SPOCK3: variants seen among roughly 807,000 people sequenced by gnomAD.
SPOCK3 encodes testican-3.
In SPOCK3, 30 loss-of-function variants were observed where a neutral mutation model predicts 56.6. That is an observed-to-expected ratio of 0.53 (90% CI 0.40 to 0.72). The LOEUF (loss-of-function observed/expected upper bound fraction) is 0.72, where lower values mean the gene tolerates loss of function less well. SPOCK3 is among the 30% of genes least tolerant of loss of function. The pLI is 0.00. For missense variants in SPOCK3, 527 were observed against 530.0 expected (o/e 0.99, Z 0.06); for synonymous variants, 196 against 183.3 (o/e 1.07, Z -0.56).
intron 7 of SPOCK3, among the ~76,000 whole-genome samples, chr4:166,766,838 C>A (rs370419344): frequency 2.0e-5 from 3 of 151,912 alleles, no homozygotes; most frequent in Non-Finnish European, 4.4e-5. Flanking sequence ...TTGGTTGGTA[C>A]GCTCTTAATT....
chr4:167,161,039 C>T, intron 2 of SPOCK3, among the ~76,000 whole-genome samples: 1 of 152,124 alleles, frequency 6.6e-6, no homozygotes, highest in Non-Finnish European at 1.5e-5. Context: ...ACAAAATTGA[C>T]AAATGGGATC....
chr4:166,883,559 G>A (rs1403651154), intron 6 of SPOCK3, among the ~76,000 whole-genome samples: 1 of 152,188 alleles, frequency 6.6e-6, no homozygotes, highest in Non-Finnish European at 1.5e-5. Flanking sequence ...TCTGAAGTGA[G>A]AAGGACTCAT....
intron 2 of SPOCK3, among the ~76,000 whole-genome samples, chr4:167,141,031 GC>G: frequency 6.6e-6 from 1 of 151,742 alleles, no homozygotes; most frequent in Non-Finnish European, 1.5e-5. Flanking sequence ...AATTCTCTTG[GC>G]CCCTGCAATC....
At chr4:166,797,865 G>A (rs764966836) in intron 6 of SPOCK3, among the ~76,000 whole-genome samples, 3 of 151,756 alleles carry the variant, frequency 2.0e-5, no homozygotes, top group Non-Finnish European at 2.9e-5. Context: ...ACACCTTTTC[G>A]TTATGTTATA....
At position 166,787,477 on chromosome 4, in the gene SPOCK3, T is replaced by C. The variant is rs550937284; in HGVS notation, c.709+4693A>G. On this transcript the variant is annotated intron_variant, in intron 7 of 10. Transcript: ENST00000357545. ...GATTTGGTTAATTTTCTGATTTTAA[T>C]TACTATTCAAGAATATATAGTTCTA... Among the ~76,000 whole-genome samples the C allele has an allele frequency of 2.0e-5, 3 of 152,288 alleles. No individual in the cohort carries two copies. The South Asian group carries it at 6.2e-4, about 32-fold the overall frequency.
At chr4:167,029,023 A>G (rs1053577154) in intron 3 of SPOCK3, among the ~76,000 whole-genome samples, 1 of 151,944 alleles carries the variant, frequency 6.6e-6, no homozygotes, top group Non-Finnish European at 1.5e-5. Context: ...TGAACCCATC[A>G]CCTAGGTATT....
At chr4:166,851,143 C>G (rs1006681658) in intron 6 of SPOCK3, among the ~76,000 whole-genome samples, 1 of 152,184 alleles carries the variant, frequency 6.6e-6, no homozygotes, top group African/African-American at 2.4e-5. Flanking sequence ...ACTGCCTCCT[C>G]AAGTGGGTCC....
chr4:166,749,931 T>C (rs1736162314), intron 8 of SPOCK3, among the ~76,000 whole-genome samples: 1 of 152,176 alleles, frequency 6.6e-6, no homozygotes, highest in South Asian at 2.1e-4. Flanking sequence ...CTAGTTGCAA[T>C]TGGCTAGTTA....
intron 2 of SPOCK3, among the ~76,000 whole-genome samples, chr4:167,169,432 T>C (rs1012082689): frequency 3.3e-5 from 5 of 152,154 alleles, no homozygotes; most frequent in Non-Finnish European, 7.4e-5. Context: ...GGAGATCATT[T>C]TGGAGCTTTA....
intron 2 of SPOCK3, among the ~76,000 whole-genome samples, chr4:167,116,527 T>C (rs1761354695): frequency 7.2e-6 from 1 of 139,822 alleles, no homozygotes; most frequent in Non-Finnish European, 1.5e-5. Context: ...TATACGTATA[T>C]GTATATATAT....
intron 2 of SPOCK3, among the ~76,000 whole-genome samples, chr4:167,221,306 T>C (rs1157694658): frequency 6.6e-6 from 1 of 152,082 alleles, no homozygotes; most frequent in East Asian, 1.9e-4. Context: ...AGTTTCCCGC[T>C]GCAGTGAGCT....
At chr4:166,961,528 T>G (rs890245152) in intron 4 of SPOCK3, among the ~76,000 whole-genome samples, 1 of 151,030 alleles carries the variant, frequency 6.6e-6, no homozygotes, top group Non-Finnish European at 1.5e-5. Flanking sequence ...AACCAAGATG[T>G]CATTTCCTTT....
At chr4:167,117,717 C>T (rs1761548720) in intron 2 of SPOCK3, among the ~76,000 whole-genome samples, 2 of 152,136 alleles carry the variant, frequency 1.3e-5, no homozygotes, top group Admixed American at 6.6e-5. Flanking sequence ...GAGCAAAGTG[C>T]AATCTCCAGT....
intron 6 of SPOCK3, among the ~76,000 whole-genome samples, chr4:166,814,929 C>G (rs996081506): frequency 5.3e-5 from 8 of 151,964 alleles, no homozygotes; most frequent in African/African-American, 9.7e-5. Flanking sequence ...TTCCCAGAGC[C>G]CCCTCAGTTA....
intron 2 of SPOCK3, among the ~76,000 whole-genome samples, chr4:167,155,251 G>A (rs1253013932): frequency 6.6e-6 from 1 of 151,910 alleles, no homozygotes; most frequent in Non-Finnish European, 1.5e-5. Flanking sequence ...GAGTCCCTGG[G>A]ATTACAGGCA....
At chr4:167,040,320 A>G (rs1258221173) in intron 3 of SPOCK3, among the ~76,000 whole-genome samples, 1 of 152,116 alleles carries the variant, frequency 6.6e-6, no homozygotes, top group Non-Finnish European at 1.5e-5. Context: ...AAATGACATG[A>G]GTTGTGGTCC....
chr4:167,196,191 T>A (rs1051329478), intron 2 of SPOCK3, among the ~76,000 whole-genome samples: 1 of 152,222 alleles, frequency 6.6e-6, no homozygotes, highest in Non-Finnish European at 1.5e-5. Flanking sequence ...CTATATCGTG[T>A]TTAATGCCTA....
intron 6 of SPOCK3, among the ~76,000 whole-genome samples, chr4:166,887,536 T>C (rs1734326668): frequency 6.6e-6 from 1 of 152,100 alleles, no homozygotes; most frequent in Admixed American, 6.6e-5. Context: ...AGAATTTCAG[T>C]TAAAAGGAAA....
chr4:166,803,788 G>T (rs556357806), intron 6 of SPOCK3, among the ~76,000 whole-genome samples: 1 of 152,170 alleles, frequency 6.6e-6, no homozygotes, highest in Admixed American at 6.5e-5. Flanking sequence ...AAAATTTTAT[G>T]CCTAGGGTTA....
Sources: allele counts gnomAD v4.1 joint callset (sites outside exome capture counted in the v4.1 genomes callset), GRCh38; gene constraint gnomAD v4.1.1; transcripts MANE v1.5; gene names NCBI Gene and HGNC (gene_info 2026-07-23, HGNC 2026-07-21).